Variants in COL5A1 observed in about 807,000 individuals in gnomAD.
COL5A1 encodes collagen type V alpha 1 chain, also known as collagen alpha-1(V) chain.
In COL5A1, 16 loss-of-function variants were observed where a neutral mutation model predicts 263.7. The observed-to-expected ratio is 0.06, with a 90% CI of 0.04 to 0.09. The LOEUF is 0.09. Among genes scored for constraint, COL5A1 ranks in the 10% least tolerant of loss-of-function variants. The probability of loss-of-function intolerance (pLI) is 1.00; values close to 1 mark genes in which losing one functional copy is unlikely to be tolerated. For synonymous variants in COL5A1, 1,012 were observed against 1,004.5 expected, an observed-to-expected ratio of 1.01 and a Z score of -0.14; for missense variants, 2,036 against 2,540.5, an observed-to-expected ratio of 0.80 and a Z score of 4.27.
chr9:134,827,921 G>C (rs1014075499), intron 63 of COL5A1, among the ~76,000 whole-genome samples: 1 of 152,198 alleles, frequency 6.6e-6, no homozygotes, highest in African/African-American at 2.4e-5. Flanking sequence ...GAGAGCTCTG[G>C]GTGGCGTGAG....
chr9:134,745,545 C>G lies in COL5A1; in HGVS notation c.1495-4997C>G, dbSNP rs1050986728. On this transcript the variant is annotated intron_variant, in intron 11 of 65. Coordinates refer to ENST00000371817, the MANE Select transcript of COL5A1 (RefSeq NM_000093.5). Reference sequence around the variant, plus strand: ...CCTGTGGATTTTCTGGTTGTTAGTTCTGGTTGAGGGGTGCGGTCTGAGGCA... The same window carrying G: ...CCTGTGGATTTTCTGGTTGTTAGTTGTGGTTGAGGGGTGCGGTCTGAGGCA... Among the ~76,000 whole-genome samples the G allele has an allele frequency of 2.6e-5, 4 of 152,234 alleles. No individual in the cohort carries two copies. In the East Asian group the frequency reaches 7.8e-4, roughly 30 times the overall value.
At chr9:134,729,169 AGAG>A (rs1834770806) in intron 6 of COL5A1, among the ~76,000 whole-genome samples, 1 of 152,064 alleles carries the variant, frequency 6.6e-6, no homozygotes. Context: ...GGGAGAGGAG[AGAG>A]GAGAGCTCAG....
chr9:134,722,120 T>A (rs1356864525), intron 4 of COL5A1, among the ~76,000 whole-genome samples: 2 of 151,770 alleles, frequency 1.3e-5, no homozygotes, highest in African/African-American at 4.8e-5. Flanking sequence ...AAAATCCACC[T>A]GAGGATTTGG....
At position 134,773,871 on chromosome 9, in the gene COL5A1, C is replaced by T. The variant is rs538053480; in HGVS notation, c.2332-988C>T. ...TTCCCTCTCTTGAAGGTCGCAGCAG[C>T]CACTGGGGTGAACCCTCCCCTCGGC... On this transcript the variant is annotated intron_variant, in intron 26 of 65. Coordinates refer to ENST00000371817, the MANE Select transcript of COL5A1 (RefSeq NM_000093.5). Among the ~76,000 whole-genome samples, 72 of 152,308 alleles carry T rather than the reference C, an allele frequency of 4.7e-4. 1 individual carries two copies. In the South Asian group the frequency reaches 0.014, roughly 30 times the overall value.
chr9:134,719,618 T>C (rs1834383777), intron 4 of COL5A1, among the ~76,000 whole-genome samples: 2 of 152,234 alleles, frequency 1.3e-5, no homozygotes, highest in Non-Finnish European at 2.9e-5. Flanking sequence ...GACCCAGCAC[T>C]TCACACACTC....
At chr9:134,669,770 TG>T (rs1480409182) in intron 1 of COL5A1, among the ~76,000 whole-genome samples, 1 of 151,672 alleles carries the variant, frequency 6.6e-6, no homozygotes, top group East Asian at 1.9e-4. Context: ...TCCGCAGAGG[TG>T]GGGTGTGGAT....
In COL5A1 at chr9:134,742,263, A is replaced by C. The variant is rs1835332424; in HGVS notation, c.1494+3455A>C. On this transcript the variant is annotated intron_variant, in intron 11 of 65. Transcript: ENST00000371817. This position sits in a 1 kb window ranked among gnomAD's most constrained non-coding sequence, Gnocchi z 4.6. ...GGCTGCCCGCAGGGAGCAGAGTGCA[A>C]GGAGAGGCACAGAAGTGGGGCCTGC... Among the ~76,000 whole-genome samples, 1 of 148,786 alleles carries C rather than the reference A, an allele frequency of 6.7e-6. No homozygotes were observed. Among genetic ancestry groups the C allele is most frequent in the Non-Finnish European group, 1.5e-5 (1 of 67,078 alleles).
At chr9:134,747,575 A>G (rs1835565399) in intron 11 of COL5A1, among the ~76,000 whole-genome samples, 1 of 152,012 alleles carries the variant, frequency 6.6e-6, no homozygotes. Context: ...GTATTCACAC[A>G]CATGCATTCA....
In COL5A1 at chr9:134,658,019, C is replaced by T. The variant is rs146717710; in HGVS notation, c.109+15723C>T. On this transcript the variant is annotated intron_variant, in intron 1 of 65. Coordinates refer to ENST00000371817, the MANE Select transcript of COL5A1 (RefSeq NM_000093.5). ...GGCACGGAGATGCTGCTGGCTATGG[C>T]GGACTGCACTCGGAGTCCTGTCGCT... Among the ~76,000 whole-genome samples the T allele has an allele frequency of 8.8e-3, 1,333 of 152,054 alleles. 9 individuals are homozygous for T. Among genetic ancestry groups the T allele is most frequent in the South Asian group, 0.03 (144 of 4,818 alleles).
intron 18 of COL5A1, among the ~76,000 whole-genome samples, chr9:134,759,983 G>GCACACCCA (rs1836247721): frequency 1.8e-5 from 1 of 56,440 alleles, no homozygotes; most frequent in African/African-American, 7.2e-5. Context: ...GCACACACAT[G>GCACACCCA]CACACCCACA....
At chr9:134,775,264 C>T (rs1037237768) in intron 27 of COL5A1, among the ~76,000 whole-genome samples, 11 of 152,258 alleles carry the variant, frequency 7.2e-5, no homozygotes, top group African/African-American at 1.2e-4. Flanking sequence ...TCACTCTCCT[C>T]GCAGACAGCA....
At chr9:134,799,413 T>C (rs58788982) in intron 37 of COL5A1, among the ~76,000 whole-genome samples, 15,056 of 152,290 alleles carry the variant, frequency 0.099, 1,384 homozygotes, top group African/African-American at 0.24. Flanking sequence ...GCTGTGTTCC[T>C]TCTCCGAGTG....
intron 1 of COL5A1, among the ~76,000 whole-genome samples, chr9:134,672,479 T>G (rs1832564133): frequency 6.6e-6 from 1 of 152,218 alleles, no homozygotes. Flanking sequence ...CATACTACTT[T>G]GTAGTAGTTT....
chr9:134,691,435 T>G (rs1312128614), intron 2 of COL5A1, among the ~76,000 whole-genome samples: 3 of 152,040 alleles, frequency 2.0e-5, no homozygotes, highest in African/African-American at 4.8e-5. Flanking sequence ...GAGAGAAACC[T>G]CGGGGTCGTG....
intron 41 of COL5A1, 32 bp from the exon 42 acceptor site, chr9:134,806,157 T>C: frequency 2.0e-6 from 3 of 1,491,114 alleles, no homozygotes; most frequent in African/African-American, 1.4e-5. Context: ...CTGAGAGCCT[T>C]TGAAGCAGAC....
At chr9:134,825,083 C>T (rs1008419558) in intron 62 of COL5A1, among the ~76,000 whole-genome samples, 2 of 152,230 alleles carry the variant, frequency 1.3e-5, no homozygotes, top group African/African-American at 4.8e-5. Context: ...AGGTCAGACT[C>T]TCCAGGTTCT....
intron 4 of COL5A1, among the ~76,000 whole-genome samples, chr9:134,702,082 G>A (rs1406507792): frequency 6.6e-6 from 1 of 152,338 alleles, no homozygotes; most frequent in Non-Finnish European, 1.5e-5. Flanking sequence ...TGCCTCCTGG[G>A]GTGCTGGGGC....
Position 134,700,287 on chromosome 9 carries a change from A to G in COL5A1, c.491+165A>G, listed in dbSNP as rs1170675433. Among the ~76,000 whole-genome samples, 1 of 152,026 alleles carries G rather than the reference A, an allele frequency of 6.6e-6. No homozygotes were observed. Among genetic ancestry groups the G allele is most frequent in the Non-Finnish European group, 1.5e-5 (1 of 68,002 alleles). On this transcript the variant is annotated intron_variant, in intron 3 of 65. Coordinates refer to ENST00000371817, the MANE Select transcript of COL5A1 (RefSeq NM_000093.5). This position sits in a 1 kb window ranked among gnomAD's most constrained non-coding sequence, Gnocchi z 4.0. Reference sequence around the variant, plus strand: ...AGGGTGCTGGGCTTGGAGTCCTGAAACCTGGGTTATGGTCTTGATTCATCC... The same window carrying G: ...AGGGTGCTGGGCTTGGAGTCCTGAAGCCTGGGTTATGGTCTTGATTCATCC...
chr9:134,821,987 C>T lies in COL5A1; in HGVS notation c.4555-110C>T, dbSNP rs1839020776. The T allele has an allele frequency of 1.1e-6, 1 of 940,938 alleles. No individual in the cohort carries two copies. The highest frequency in any genetic ancestry group is 1.8e-6 in the Non-Finnish European group (1 of 570,806). 58.3% of individuals were successfully genotyped at this position (940,938 alleles called of 1,614,324 possible). A position where few individuals can be genotyped will look rare whatever the true frequency, so the allele number is the denominator to read the frequency against. On this transcript the variant is annotated intron_variant, in intron 58 of 65. Coordinates refer to ENST00000371817, the MANE Select transcript of COL5A1 (RefSeq NM_000093.5). This position sits in a 1 kb window ranked among gnomAD's most constrained non-coding sequence, Gnocchi z 4.2. The stretch of plus-strand genomic sequence containing the variant: ...GGCTGCTGAGGGGCCAAAGGGCATA[C>T]CGTGGGGAAGGGACAGGGGAGCCGA...
Sources: allele counts gnomAD v4.1 joint callset (sites outside exome capture counted in the v4.1 genomes callset), GRCh38; gene constraint gnomAD v4.1.1; non-coding constraint Gnocchi (gnomAD v3.1); transcripts MANE v1.5; gene names NCBI Gene and HGNC (gene_info 2026-07-23, HGNC 2026-07-21).